Variants in EPB41L4B observed in about 807,000 individuals in gnomAD.
EPB41L4B encodes the protein erythrocyte membrane protein band 4.1 like 4B, also known as band 4.1-like protein 4B.
A neutral mutation model predicts 112.5 loss-of-function variants in EPB41L4B; 30 were observed. The ratio of observed to expected loss-of-function variants is 0.27; its 90% CI spans 0.20 to 0.36. EPB41L4B has a LOEUF of 0.36. EPB41L4B is among the 10% of genes least tolerant of loss of function. EPB41L4B has a pLI of 1.00. For synonymous variants in EPB41L4B, 408 were observed against 439.7 expected (o/e 0.93, Z 0.90); for missense variants, 1,024 against 1,133.3 (o/e 0.90, Z 1.38).
chr9:109,250,894 G>A (rs1340897963), intron 13 of EPB41L4B, among the ~76,000 whole-genome samples: 3 of 152,280 alleles, frequency 2.0e-5, no homozygotes, highest in Middle Eastern at 3.4e-3. Context: ...TTTCCACAGC[G>A]GCTCTCTAGC....
chr9:109,175,356 A>G (rs1320062774), intron 25 of EPB41L4B, among the ~76,000 whole-genome samples: 1 of 152,150 alleles, frequency 6.6e-6, no homozygotes, highest in African/African-American at 2.4e-5. Context: ...AATTAATTAT[A>G]TTTTAATGAA....
At chr9:109,309,888 A>G (rs1214040978) in intron 1 of EPB41L4B, among the ~76,000 whole-genome samples, 3 of 152,214 alleles carry the variant, frequency 2.0e-5, no homozygotes, top group Admixed American at 2.0e-4. Context: ...AATCAAACAA[A>G]GAAGCTGACA....
chr9:109,267,427 A>G (rs1473436414), intron 4 of EPB41L4B, 46 bp downstream of exon 4: 1 of 1,269,334 alleles, frequency 7.9e-7, no homozygotes, highest in South Asian at 1.2e-5. Context: ...AATGACATGT[A>G]AGGCAAGCCC....
chr9:109,229,217 T>C (rs1011491319), intron 15 of EPB41L4B, among the ~76,000 whole-genome samples: 2 of 152,352 alleles, frequency 1.3e-5, no homozygotes, highest in African/African-American at 2.4e-5. Context: ...ACATTTCCAA[T>C]GCAGTCTTCC....
chr9:109,273,530 A>G (rs1358586079), intron 2 of EPB41L4B, among the ~76,000 whole-genome samples: 1 of 152,204 alleles, frequency 6.6e-6, no homozygotes, highest in African/African-American at 2.4e-5. Context: ...TACAGACGTG[A>G]GCCACCACAC....
intron 20 of EPB41L4B, among the ~76,000 whole-genome samples, chr9:109,195,320 C>T (rs550179875): frequency 3.9e-5 from 6 of 152,228 alleles, no homozygotes; most frequent in East Asian, 3.9e-4. Context: ...CAGCCCAGCA[C>T]GGGGCCACGT....
intron 5 of EPB41L4B, among the ~76,000 whole-genome samples, chr9:109,263,414 A>G (rs1835287465): frequency 6.6e-6 from 1 of 152,248 alleles, no homozygotes; most frequent in Admixed American, 6.5e-5. Flanking sequence ...TTGCCTTATT[A>G]TTTTTAAACA....
intron 1 of EPB41L4B, among the ~76,000 whole-genome samples, chr9:109,312,711 A>G (rs1032068607): frequency 2.6e-5 from 4 of 152,188 alleles, no homozygotes; most frequent in African/African-American, 9.7e-5. Flanking sequence ...AATCACCTAG[A>G]TGGGGTCCCG....
At chr9:109,233,177 C>T (rs1391314314) in intron 15 of EPB41L4B, among the ~76,000 whole-genome samples, 1 of 152,164 alleles carries the variant, frequency 6.6e-6, no homozygotes, top group Non-Finnish European at 1.5e-5. Context: ...TAGTGGATGG[C>T]CTAGACTACA....
intron 1 of EPB41L4B, among the ~76,000 whole-genome samples, chr9:109,305,271 G>A (rs998098441): frequency 1.3e-5 from 2 of 152,102 alleles, no homozygotes; most frequent in Middle Eastern, 3.2e-3. Flanking sequence ...GGCATCATCT[G>A]AGACAGGCCC....
At chr9:109,293,698 T>TA (rs58106653) in intron 1 of EPB41L4B, among the ~76,000 whole-genome samples, 318 of 131,648 alleles carry the variant, frequency 2.4e-3, no homozygotes, top group African/African-American at 5.6e-3. Context: ...TACACATTCT[T>TA]AAAAAAAAAA....
rs79143493 is a variant in EPB41L4B at position 109,231,297 on chromosome 9, C to T, written c.1409+12321G>A. Among the ~76,000 whole-genome samples, 10 of 152,164 alleles carry T rather than the reference C, an allele frequency of 6.6e-5. No individual in the cohort carries two copies. In the East Asian group the frequency reaches 1.9e-3, roughly 29 times the overall value. On this transcript the variant is annotated intron_variant, in intron 15 of 25. Transcript: ENST00000374566. ...ATCAACTTTGCAAGCAATTCTGATG[C>T]TAGCACAGTTGATGTATGAATCCAT...
chr9:109,244,304 GGA>G (rs1564289854), intron 14 of EPB41L4B, among the ~76,000 whole-genome samples: 1 of 151,756 alleles, frequency 6.6e-6, no homozygotes, highest in Non-Finnish European at 1.5e-5. Context: ...CAGGAGGGAG[GGA>G]GAGAGTTTGA....
At chr9:109,242,674 T>G (rs1834394028) in intron 15 of EPB41L4B, among the ~76,000 whole-genome samples, 3 of 152,128 alleles carry the variant, frequency 2.0e-5, no homozygotes, top group Admixed American at 1.3e-4. Context: ...TAAGTGGGTT[T>G]ATTTCCAGCA....
Position 109,320,695 on chromosome 9 carries a change from C to G in EPB41L4B, c.-249G>C, listed in dbSNP as rs1837842393. The G allele has an allele frequency of 6.9e-6, 1 of 144,444 alleles. No homozygotes were observed. Among genetic ancestry groups the G allele is most frequent in the Admixed American group, 6.8e-5 (1 of 14,604 alleles). 8.9% of individuals were successfully genotyped at this position (144,444 alleles called of 1,614,324 possible). ...GCAGGCGGGAGGGCGCGCTCGGGGC[C>G]GTCCCGCCGCCGCCGCCGCCGCGCG... On this transcript the variant is annotated 5_prime_UTR_variant, in exon 1 of 26. Coordinates refer to ENST00000374566, the MANE Select transcript of EPB41L4B (RefSeq NM_019114.5).
At position 109,279,925 on chromosome 9, in the gene EPB41L4B, G is replaced by C; in HGVS notation, c.307-4C>G. 1 of 1,612,148 alleles carries C rather than the reference G, an allele frequency of 6.2e-7. No homozygotes were observed. The highest frequency in any genetic ancestry group is 1.7e-4 in the Middle Eastern group (1 of 6,056). On this transcript the variant is annotated splice_region_variant and splice_polypyrimidine_tract_variant and intron_variant, in intron 1 of 25. Coordinates refer to ENST00000374566, the MANE Select transcript of EPB41L4B (RefSeq NM_019114.5). ...AATCCTGGCCTTTGGCATGTTTCTG[G>C]AAGACAATTGGGAAGATGAAAAAAC...
At chr9:109,297,472 G>T (rs1212956743) in intron 1 of EPB41L4B, among the ~76,000 whole-genome samples, 1 of 152,212 alleles carries the variant, frequency 6.6e-6, no homozygotes, top group African/African-American at 2.4e-5. Context: ...TTCTGAGCTT[G>T]TTTTCTGTCT....
intron 14 of EPB41L4B, among the ~76,000 whole-genome samples, chr9:109,246,293 T>C (rs112036352): frequency 2.2e-4 from 34 of 152,244 alleles, no homozygotes; most frequent in African/African-American, 7.7e-4. Flanking sequence ...CCCCAGATAC[T>C]TGGGAGGCTG....
At chr9:109,296,992 G>C (rs147366125) in intron 1 of EPB41L4B, among the ~76,000 whole-genome samples, 2 of 151,916 alleles carry the variant, frequency 1.3e-5, no homozygotes, top group African/African-American at 4.8e-5. Flanking sequence ...TCCTAACCCC[G>C]GTACCTTGGA....
Sources: allele counts gnomAD v4.1 joint callset (sites outside exome capture counted in the v4.1 genomes callset), GRCh38; gene constraint gnomAD v4.1.1; transcripts MANE v1.5; gene names NCBI Gene and HGNC (gene_info 2026-07-23, HGNC 2026-07-21).